The following BRD10 variants were observed in gnomAD, a reference collection of about 807,000 sequenced individuals.
BRD10 encodes the protein bromodomain containing 10.
the BRD10 span, chr9:5,907,009 A>G: frequency 6.5e-7 from 1 of 1,536,206 alleles, no homozygotes; most frequent in African/African-American, 1.4e-5. Context: ...GTAGGTTAAG[A>G]TCCTTCATAA....
chr9:5,968,755 T>C, the BRD10 span: 2 of 1,613,822 alleles, frequency 1.2e-6, no homozygotes, highest in African/African-American at 2.7e-5. Flanking sequence ...TTGGAAATTC[T>C]GGGGCCTGAA....
At chr9:5,884,722 T>C in the BRD10 span, among the ~76,000 whole-genome samples, 531 of 152,322 alleles carry the variant, frequency 3.5e-3, 2 homozygotes, top group Non-Finnish European at 6.4e-3. Context: ...TGAACCCTGG[T>C]GTTGACTCTT....
chr9:5,903,763 C>G, the BRD10 span, among the ~76,000 whole-genome samples: 1 of 152,198 alleles, frequency 6.6e-6, no homozygotes, highest in African/African-American at 2.4e-5. Flanking sequence ...CCCTCTTTAT[C>G]CCTGATAACT....
chr9:5,969,043 T>C, the BRD10 span: 1 of 1,612,466 alleles, frequency 6.2e-7, no homozygotes, highest in Non-Finnish European at 8.5e-7. Flanking sequence ...ACAACCCCAG[T>C]TTTTCAGCAC....
At chr9:5,885,525 C>T in the BRD10 span, among the ~76,000 whole-genome samples, 1 of 152,226 alleles carries the variant, frequency 6.6e-6, no homozygotes, top group South Asian at 2.1e-4. Flanking sequence ...CATGCACCAC[C>T]ACGCCCGGCT....
the BRD10 span, among the ~76,000 whole-genome samples, chr9:5,990,056 A>G: frequency 6.6e-6 from 1 of 152,218 alleles, no homozygotes; most frequent in Non-Finnish European, 1.5e-5. Flanking sequence ...CAGCTTTAAT[A>G]AGGGCATGAA....
At chr9:5,904,368 G>T in the BRD10 span, among the ~76,000 whole-genome samples, 2 of 151,374 alleles carry the variant, frequency 1.3e-5, no homozygotes, top group Non-Finnish European at 3.0e-5. Flanking sequence ...TGTTGCCTCT[G>T]TTCTTTGTTT....
chr9:5,929,422 G>A, the BRD10 span, among the ~76,000 whole-genome samples: 5 of 152,174 alleles, frequency 3.3e-5, no homozygotes, highest in East Asian at 7.7e-4. Context: ...TGCATCAATT[G>A]TAAATGTTTT....
At chr9:5,891,752 G>C in the BRD10 span, among the ~76,000 whole-genome samples, 1 of 152,224 alleles carries the variant, frequency 6.6e-6, no homozygotes, top group African/African-American at 2.4e-5. Flanking sequence ...TTGAACCAGA[G>C]AGAAGCAGAA....
the BRD10 span, among the ~76,000 whole-genome samples, chr9:5,931,576 T>G: frequency 6.6e-6 from 1 of 152,226 alleles, no homozygotes; most frequent in African/African-American, 2.4e-5. Flanking sequence ...CTGTTATCTT[T>G]TAACATTATA....
the BRD10 span, among the ~76,000 whole-genome samples, chr9:5,951,037 C>T: frequency 4.0e-5 from 1 of 24,780 alleles, no homozygotes; most frequent in African/African-American, 5.0e-4. Context: ...GCTGACTGTA[C>T]ACACACACAC....
the BRD10 span, among the ~76,000 whole-genome samples, chr9:5,904,603 G>A: frequency 1.3e-5 from 2 of 151,966 alleles, no homozygotes; most frequent in Non-Finnish European, 1.5e-5. Flanking sequence ...CTCCTGAGTA[G>A]CTGAGATTAA....
the BRD10 span, among the ~76,000 whole-genome samples, chr9:5,905,305 G>A: frequency 6.6e-6 from 1 of 152,168 alleles, no homozygotes; most frequent in African/African-American, 2.4e-5. Context: ...CTGAAAAACT[G>A]AGTGTTGGCC....
chr9:5,899,584 G>A, the BRD10 span, among the ~76,000 whole-genome samples: 1 of 152,180 alleles, frequency 6.6e-6, no homozygotes, highest in African/African-American at 2.4e-5. Context: ...GGGTTAGAAA[G>A]TTAGGGATAG....
At chr9:5,919,583 C>CACACAA in the BRD10 span, 225 of 1,025,042 alleles carry the variant, frequency 2.2e-4, 1 homozygote, top group Non-Finnish European at 1.9e-4. Flanking sequence ...CACACACACA[C>CACACAA]AATGTATAGT....
the BRD10 span, chr9:6,007,099 G>T: frequency 7.8e-7 from 1 of 1,281,248 alleles, no homozygotes. Flanking sequence ...ACCTATCAGC[G>T]CCGCCCCCAG....
chr9:5,959,347 G>C, the BRD10 span, among the ~76,000 whole-genome samples: 3 of 152,122 alleles, frequency 2.0e-5, no homozygotes, highest in African/African-American at 7.2e-5. Flanking sequence ...AGCTCTAGCT[G>C]TGTGACTTTG....
chr9:5,967,588 T>G, the BRD10 span, among the ~76,000 whole-genome samples: 4 of 151,590 alleles, frequency 2.6e-5, no homozygotes, highest in Admixed American at 2.6e-4. Context: ...AGGAAGATAA[T>G]CTGACTACCC....
At chr9:5,925,294 G>A in the BRD10 span, among the ~76,000 whole-genome samples, 1 of 150,760 alleles carries the variant, frequency 6.6e-6, no homozygotes, top group African/African-American at 2.4e-5. Context: ...AGGAGGTGGA[G>A]GTTGCAGTGA....
Sources: gnomAD v4.1 joint callset for allele counts (sites outside exome capture counted in the v4.1 genomes callset) on GRCh38, gnomAD v4.1.1 for gene constraint, MANE v1.5 for transcripts, NCBI Gene and HGNC (gene_info 2026-07-23, HGNC 2026-07-21) for gene names.